GRIA3: variants seen among roughly 807,000 people sequenced by gnomAD.
GRIA3 encodes the protein glutamate ionotropic receptor AMPA type subunit 3.
A neutral mutation model predicts 63.0 loss-of-function variants in GRIA3; 3 were observed. That is an observed-to-expected ratio of 0.05 (90% CI 0.02 to 0.12). The LOEUF is 0.12. Among genes scored for constraint, GRIA3 ranks in the 10% least tolerant of loss-of-function variants. The probability of loss-of-function intolerance (pLI) is 1.00; values close to 1 mark genes in which losing one functional copy is unlikely to be tolerated. For missense variants in GRIA3, 347 were observed against 700.9 expected, an observed-to-expected ratio of 0.50 and a Z score of 5.70; for synonymous variants, 274 against 257.9, an observed-to-expected ratio of 1.06 and a Z score of -0.60.
intron 4 of GRIA3, among the ~76,000 whole-genome samples, chrX:123,353,648 C>G (rs2045113511): frequency 8.9e-6 from 1 of 111,811 alleles, no homozygotes; most frequent in Non-Finnish European, 1.9e-5. Context: ...TATCATAAAG[C>G]TTAAGCTTAA....
intron 12 of GRIA3, 137 bp downstream of exon 12, chrX:123,428,276 C>A: frequency 1.9e-6 from 1 of 517,218 alleles, no homozygotes; most frequent in Non-Finnish European, 3.4e-6. Flanking sequence ...AAATACTGGG[C>A]TGCTTGGTTG....
At chrX:123,471,046 G>A (rs865977035) in intron 13 of GRIA3, among the ~76,000 whole-genome samples, 17 of 111,883 alleles carry the variant, frequency 1.5e-4, no homozygotes, top group Middle Eastern at 4.6e-3. Flanking sequence ...GGAGTAGGGT[G>A]AGTATATTGT....
At chrX:123,262,238 A>C (rs2044464385) in intron 3 of GRIA3, among the ~76,000 whole-genome samples, 1 of 111,865 alleles carries the variant, frequency 8.9e-6, no homozygotes, top group African/African-American at 3.2e-5. Context: ...CAAGCTGAAC[A>C]CAGTAACACC....
intron 5 of GRIA3, among the ~76,000 whole-genome samples, chrX:123,367,772 T>A (rs1233500085): frequency 9.0e-6 from 1 of 111,453 alleles, no homozygotes; most frequent in Non-Finnish European, 1.9e-5. Flanking sequence ...TTGTTTTTTC[T>A]GAATAGTCGT....
chrX:123,425,204 C>T (rs1011016789), intron 11 of GRIA3, among the ~76,000 whole-genome samples: 3 of 111,709 alleles, frequency 2.7e-5, no homozygotes, highest in African/African-American at 6.5e-5. Flanking sequence ...ATACAAAATA[C>T]GGGTATTTTA....
At chrX:123,297,489 T>A (rs564740186) in intron 3 of GRIA3, among the ~76,000 whole-genome samples, 122 of 112,187 alleles carry the variant, frequency 1.1e-3, no homozygotes, top group Middle Eastern at 4.6e-3. Flanking sequence ...AATTTACTAA[T>A]CAGTACTTTT....
chrX:123,445,247 A>T (rs988298354), intron 12 of GRIA3, among the ~76,000 whole-genome samples: 5 of 111,737 alleles, frequency 4.5e-5, no homozygotes, highest in African/African-American at 1.6e-4. Context: ...TCATCTCCCA[A>T]ACATAAGGAT....
chrX:123,458,271 G>A (rs1368902098), intron 12 of GRIA3, among the ~76,000 whole-genome samples: 3 of 109,046 alleles, frequency 2.8e-5, no homozygotes, highest in Admixed American at 9.9e-5. Flanking sequence ...CTCTCAAGGG[G>A]CTCAGATTTG....
intron 4 of GRIA3, among the ~76,000 whole-genome samples, chrX:123,352,076 ATT>A (rs1418255611): frequency 2.4e-4 from 17 of 69,762 alleles, no homozygotes; most frequent in Admixed American, 2.0e-3. Flanking sequence ...AATAATGCAC[ATT>A]TCAAACATTT....
chrX:123,477,103 G>C (rs1393147154), intron 13 of GRIA3, among the ~76,000 whole-genome samples: 26 of 111,700 alleles, frequency 2.3e-4, no homozygotes, highest in Non-Finnish European at 9.4e-5. Flanking sequence ...TTTGGCAAGA[G>C]TGGACAGTGG....
At chrX:123,253,221 T>C (rs2065591803) in intron 2 of GRIA3, 82 bp from the exon 3 acceptor site, 7 of 1,100,703 alleles carry the variant, frequency 6.4e-6, no homozygotes, top group Non-Finnish European at 8.8e-6. Context: ...TGGGGCCTAA[T>C]TGTACATTGT....
chrX:123,390,442 T>A (rs748502001), intron 5 of GRIA3, among the ~76,000 whole-genome samples: 2 of 112,023 alleles, frequency 1.8e-5, no homozygotes, highest in Non-Finnish European at 3.8e-5. Flanking sequence ...TTTTGTTTTG[T>A]TTTTTCAGAA....
At chrX:123,241,329 C>A (rs762748531) in intron 2 of GRIA3, among the ~76,000 whole-genome samples, 16 of 111,438 alleles carry the variant, frequency 1.4e-4, no homozygotes, top group Admixed American at 9.5e-4. Context: ...TACAAAAAAT[C>A]AACAGCACAT....
chrX:123,288,458 C>G lies in GRIA3; in HGVS notation c.508+34916C>G, dbSNP rs773449048. Among the ~76,000 whole-genome samples the G allele has an allele frequency of 4.5e-5, 5 of 112,084 alleles. No individual in the cohort carries two copies. The East Asian group carries it at 1.4e-3, about 31-fold the overall frequency. ...AAGAGCTTCTGCACAGCAAAAGAAA[C>G]TATCATCGAGTGAACAAGCAACCTA... is the stretch of plus-strand genomic sequence containing the variant. On this transcript the variant is annotated intron_variant, in intron 3 of 15. Transcript: ENST00000620443.
intron 12 of GRIA3, among the ~76,000 whole-genome samples, chrX:123,457,093 A>C (rs769346682): frequency 8.9e-6 from 1 of 111,871 alleles, no homozygotes; most frequent in African/African-American, 3.2e-5. Context: ...GAGTGAGGAA[A>C]AGTCATTTTT....
At chrX:123,463,640 G>T (rs933606822) in intron 12 of GRIA3, among the ~76,000 whole-genome samples, 3 of 42,874 alleles carry the variant, frequency 7.0e-5, no homozygotes, top group Admixed American at 2.9e-4. Context: ...AAGAAAGAAA[G>T]AAAGAAAGAA....
At chrX:123,346,131 G>A (rs1294226823) in intron 4 of GRIA3, among the ~76,000 whole-genome samples, 1 of 111,516 alleles carries the variant, frequency 9.0e-6, no homozygotes, top group East Asian at 2.8e-4. Context: ...GGAATTCTAA[G>A]CCAGGCAGTC....
chrX:123,398,522 A>AG (rs2045426311), intron 6 of GRIA3, 114 bp from the exon 7 acceptor site: 6 of 573,752 alleles, frequency 1.0e-5, no homozygotes, highest in Non-Finnish European at 1.5e-5. Flanking sequence ...TTAAATAAAT[A>AG]GGGGGGTGAC....
At chrX:123,215,629 AACACCCACTGGGGTACACAGAGAT>A (rs1928139562) in intron 2 of GRIA3, among the ~76,000 whole-genome samples, 1 of 111,681 alleles carries the variant, frequency 9.0e-6, no homozygotes, top group Admixed American at 9.5e-5. Flanking sequence ...AGTAGGAGTC[AACACCCACTGGGGTACACAGAGAT>A]GAAAAGGCAA....
Sources: allele counts gnomAD v4.1 joint callset (sites outside exome capture counted in the v4.1 genomes callset), GRCh38; gene constraint gnomAD v4.1.1; transcripts MANE v1.5; gene names NCBI Gene and HGNC (gene_info 2026-07-23, HGNC 2026-07-21).